The following USH2A variants were observed in gnomAD, a reference collection of about 807,000 sequenced individuals.
USH2A encodes the protein Usher syndrome 2A (autosomal recessive, mild).
USH2A carries 443 observed loss-of-function variants against 538.9 expected under a neutral mutation model. That is an observed-to-expected ratio of 0.82 (90% CI 0.76 to 0.89). The LOEUF is 0.89. Among genes scored for constraint, USH2A ranks in the 40% least tolerant of loss-of-function variants. The pLI is 0.00. For missense variants in USH2A, 6,633 were observed against 6,324.8 expected (o/e 1.05, Z -1.65); for synonymous variants, 2,413 against 2,273.5 (o/e 1.06, Z -1.75).
chr1:216,062,967 T>C (rs2031231812), intron 30 of USH2A, among the ~76,000 whole-genome samples: 1 of 152,218 alleles, frequency 6.6e-6, no homozygotes, highest in East Asian at 1.9e-4. Flanking sequence ...TAAAGAACCC[T>C]ACGCTAACTA....
intron 21 of USH2A, among the ~76,000 whole-genome samples, chr1:216,117,555 G>A (rs987155726): frequency 6.6e-6 from 1 of 151,986 alleles, no homozygotes; most frequent in Non-Finnish European, 1.5e-5. Context: ...TAATCATCAG[G>A]ACACTAAAAT....
intron 3 of USH2A, among the ~76,000 whole-genome samples, chr1:216,373,152 T>C (rs1245206820): frequency 6.6e-6 from 1 of 152,226 alleles, no homozygotes; most frequent in Non-Finnish European, 1.5e-5. Context: ...CTAAGTGTGA[T>C]GCTACATATA....
At position 216,323,276 on chromosome 1, in the gene USH2A, TTATATA is replaced by T. The variant is rs67957139; in HGVS notation, c.1550+192_1550+197del. Among the ~76,000 whole-genome samples, 2,320 of 137,086 alleles carry T rather than the reference TTATATA, an allele frequency of 0.017. 56 individuals are homozygous for T. Among genetic ancestry groups the T allele is most frequent in the African/African-American group, 0.052 (1,978 of 37,768 alleles). 89.9% of individuals were successfully genotyped at this position (137,086 alleles called of 152,430 possible). Reference sequence around the variant, plus strand: ...TATATATTTATTTATAAAATACGTTTTATATATATATATATATATATATATAACAAT... The same window carrying T: ...TATATATTTATTTATAAAATACGTTTTATATATATATATATATATAACAAT... On this transcript the variant is annotated intron_variant, in intron 8 of 71. Coordinates refer to ENST00000307340, the MANE Select transcript of USH2A (RefSeq NM_206933.4).
chr1:216,071,694 TC>T (rs980375872), intron 29 of USH2A, among the ~76,000 whole-genome samples: 7 of 152,302 alleles, frequency 4.6e-5, no homozygotes, highest in Non-Finnish European at 7.3e-5. Context: ...CAATGTGCTT[TC>T]CAGACGCCTA....
intron 14 of USH2A, among the ~76,000 whole-genome samples, chr1:216,224,483 T>C (rs2035523409): frequency 6.6e-6 from 1 of 152,162 alleles, no homozygotes; most frequent in Admixed American, 6.5e-5. Flanking sequence ...TGGAGTAATG[T>C]TTGCACTAGG....
intron 4 of USH2A, among the ~76,000 whole-genome samples, chr1:216,328,111 G>T (rs1219343782): frequency 2.0e-5 from 3 of 152,012 alleles, no homozygotes; most frequent in Non-Finnish European, 4.4e-5. Flanking sequence ...TATCTGTTTG[G>T]GTTCTCTCTA....
chr1:216,322,126 G>T, intron 8 of USH2A, 150 bp from the exon 9 acceptor site: 1 of 776,872 alleles, frequency 1.3e-6, no homozygotes, highest in Non-Finnish European at 2.2e-6. Context: ...TTAATCGTGT[G>T]GATATCCATA....
At position 215,650,604 on chromosome 1, in the gene USH2A, C is replaced by T; in HGVS notation, c.14331G>A (p.Gly4777=). The T allele has an allele frequency of 6.2e-7, 1 of 1,614,112 alleles. No homozygotes were observed. The highest frequency in any genetic ancestry group is 2.2e-5 in the East Asian group (1 of 44,874). Residue 4777 remains glycine (G), a synonymous_variant, in exon 65 of 72, where the codon GGG becomes GGA. Transcript: ENST00000307340. ...LYRLFSSSAH[G]AETVLSEGMA... ...CTCTGCTGCTCACCACTGTCTCAGC[C>T]CCATGGGCGCTGCTGGAGAACAGCC...
At chr1:215,688,802 A>C (rs1658512747) in intron 61 of USH2A, among the ~76,000 whole-genome samples, 3 of 151,994 alleles carry the variant, frequency 2.0e-5, no homozygotes, top group Admixed American at 2.0e-4. Context: ...CCTATCTCCA[A>C]ATACAGTCAC....
chr1:215,766,897 A>G, intron 55 of USH2A, 109 bp from the exon 56 acceptor site: 1 of 1,045,424 alleles, frequency 9.6e-7, no homozygotes, highest in Admixed American at 2.0e-5. Context: ...AAAACATTTA[A>G]GAGTACTCTC....
At chr1:216,218,463 T>C (rs1316148508) in intron 14 of USH2A, among the ~76,000 whole-genome samples, 1 of 152,244 alleles carries the variant, frequency 6.6e-6, no homozygotes, top group Non-Finnish European at 1.5e-5. Context: ...TTGTGGTACG[T>C]TTAAAACAAC....
chr1:215,786,930 C>T (rs1661820829), intron 51 of USH2A, 56 bp from the exon 52 acceptor site: 10 of 1,545,226 alleles, frequency 6.5e-6, no homozygotes, highest in Non-Finnish European at 8.9e-6. Flanking sequence ...TTCATTTAGA[C>T]ATACATAGGG....
At chr1:216,229,201 A>T (rs557504461) in intron 14 of USH2A, among the ~76,000 whole-genome samples, 195 of 151,646 alleles carry the variant, frequency 1.3e-3, no homozygotes, top group Non-Finnish European at 2.2e-3. Context: ...ACTTAATCTG[A>T]ATCATTCATA....
intron 21 of USH2A, among the ~76,000 whole-genome samples, chr1:216,151,767 C>A (rs1048793846): frequency 1.3e-5 from 2 of 152,122 alleles, no homozygotes; most frequent in Non-Finnish European, 2.9e-5. Context: ...TGTATGACAA[C>A]ATAAAAAAAC....
At chr1:215,862,290 C>T (rs12137382) in intron 44 of USH2A, among the ~76,000 whole-genome samples, 14,244 of 152,168 alleles carry the variant, frequency 0.094, 747 homozygotes, top group East Asian at 0.18. Context: ...TGGAAACCAT[C>T]ATTCTCAGCA....
chr1:216,289,575 T>C (rs369029237), intron 10 of USH2A, among the ~76,000 whole-genome samples, 165 bp from the exon 11 acceptor site: 1 of 152,204 alleles, frequency 6.6e-6, no homozygotes, highest in African/African-American at 2.4e-5. Flanking sequence ...CCAGAGCATA[T>C]GAAACAATGA....
intron 3 of USH2A, among the ~76,000 whole-genome samples, chr1:216,392,628 T>G (rs939328466): frequency 6.6e-6 from 1 of 151,738 alleles, no homozygotes; most frequent in African/African-American, 2.4e-5. Context: ...ACTATGAAGG[T>G]ACATGAAAAT....
intron 61 of USH2A, among the ~76,000 whole-genome samples, chr1:215,688,834 G>A (rs1658513723): frequency 2.0e-5 from 3 of 152,060 alleles, no homozygotes; most frequent in Admixed American, 2.0e-4. Context: ...GGGCTCCAGT[G>A]TATGCATTTT....
At chr1:215,759,493 A>C (rs1341318017) in intron 57 of USH2A, among the ~76,000 whole-genome samples, 167 bp downstream of exon 57, 1 of 152,192 alleles carries the variant, frequency 6.6e-6, no homozygotes, top group Non-Finnish European at 1.5e-5. Context: ...AATTTCGTGA[A>C]GTCTAAAGAC....
Sources: gnomAD v4.1 joint callset for allele counts (sites outside exome capture counted in the v4.1 genomes callset) on GRCh38, gnomAD v4.1.1 for gene constraint, MANE v1.5 for transcripts, NCBI Gene and HGNC (gene_info 2026-07-23, HGNC 2026-07-21) for gene names.